The following DPP6 variants were observed in gnomAD, a reference collection of about 807,000 sequenced individuals.
DPP6 encodes the protein A-type potassium channel modulatory protein DPP6.
A neutral mutation model predicts 122.6 loss-of-function variants in DPP6; 69 were observed. The observed-to-expected ratio is 0.56, with a 90% CI of 0.46 to 0.69. The LOEUF (loss-of-function observed/expected upper bound fraction) is 0.69, where lower values mean the gene tolerates loss of function less well. Among genes scored for constraint, DPP6 ranks in the 30% least tolerant of loss-of-function variants. DPP6 has a pLI of 0.00. For missense variants in DPP6, 928 were observed against 1,116.9 expected (o/e 0.83, Z 2.41); for synonymous variants, 418 against 433.1 (o/e 0.97, Z 0.43).
chr7:154,445,657 G>A (rs578054295), intron 1 of DPP6, among the ~76,000 whole-genome samples: 1 of 152,192 alleles, frequency 6.6e-6, no homozygotes, highest in Non-Finnish European at 1.5e-5. Context: ...GAGGAGCTAT[G>A]GAAAAAAGAA....
intron 5 of DPP6, among the ~76,000 whole-genome samples, chr7:154,573,396 G>A (rs868522831): frequency 2.4e-4 from 37 of 152,254 alleles, no homozygotes; most frequent in African/African-American, 7.2e-4. Flanking sequence ...AGCAGGAGGC[G>A]AGTCTCACCT....
chr7:154,396,780 CTAA>C (rs1815125449), intron 1 of DPP6, among the ~76,000 whole-genome samples: 1 of 152,136 alleles, frequency 6.6e-6, no homozygotes, highest in Admixed American at 6.5e-5. Context: ...CTTGTTTCTA[CTAA>C]AAACACAAAA....
intron 3 of DPP6, among the ~76,000 whole-genome samples, chr7:154,499,590 C>G (rs762293619): frequency 2.0e-5 from 3 of 151,946 alleles, no homozygotes; most frequent in East Asian, 1.9e-4. Context: ...TTTAGGACAC[C>G]ACACCTTTTC....
chr7:154,714,803 T>C (rs1841388142), intron 7 of DPP6, among the ~76,000 whole-genome samples: 3 of 152,218 alleles, frequency 2.0e-5, no homozygotes, highest in Non-Finnish European at 4.4e-5. Context: ...AAAATGTTCA[T>C]TTTTAAAAAT....
chr7:154,677,878 A>G (rs1189848601), intron 7 of DPP6, among the ~76,000 whole-genome samples: 1 of 152,156 alleles, frequency 6.6e-6, no homozygotes, highest in African/African-American at 2.4e-5. Flanking sequence ...GGTCCTAGGT[A>G]AGAGGTGAAG....
At chr7:154,044,851 A>G (rs1413128300) in intron 1 of DPP6, among the ~76,000 whole-genome samples, 2 of 152,206 alleles carry the variant, frequency 1.3e-5, no homozygotes, top group Non-Finnish European at 2.9e-5. Flanking sequence ...AATGAGTCCA[A>G]ACTAGAGGCA....
At chr7:154,311,988 G>C (rs1229763481) in intron 1 of DPP6, among the ~76,000 whole-genome samples, 1 of 152,192 alleles carries the variant, frequency 6.6e-6, no homozygotes, top group East Asian at 1.9e-4. Context: ...ATTATTAATG[G>C]TGGAAATTTC....
At chr7:154,862,631 G>A (rs980053302) in intron 17 of DPP6, among the ~76,000 whole-genome samples, 5 of 152,166 alleles carry the variant, frequency 3.3e-5, no homozygotes, top group Non-Finnish European at 7.3e-5. Context: ...TCGGTGCCTC[G>A]AGGAGCACCT....
intron 1 of DPP6, among the ~76,000 whole-genome samples, chr7:154,238,057 A>C (rs1801333730): frequency 6.6e-6 from 1 of 152,200 alleles, no homozygotes; most frequent in Admixed American, 6.5e-5. Flanking sequence ...CCAGGAGGAC[A>C]TCGAAGATGT....
the DPP6 span, among the ~76,000 whole-genome samples, chr7:153,841,717 G>A: frequency 6.6e-6 from 1 of 152,172 alleles, no homozygotes; most frequent in Non-Finnish European, 1.5e-5. Context: ...AGTGTTCTAA[G>A]CATTTACCGT....
At chr7:154,744,940 C>T (rs574672153) in intron 8 of DPP6, among the ~76,000 whole-genome samples, 1 of 152,196 alleles carries the variant, frequency 6.6e-6, no homozygotes, top group Non-Finnish European at 1.5e-5. Flanking sequence ...ATCCGAAACG[C>T]GACCTTGCTG....
chr7:154,277,939 C>T (rs1238424283), intron 1 of DPP6, among the ~76,000 whole-genome samples: 4 of 152,172 alleles, frequency 2.6e-5, no homozygotes, highest in Non-Finnish European at 2.9e-5. Flanking sequence ...AGTTCTTCCA[C>T]ATATTCTGAG....
At chr7:154,440,364 C>A (rs1469488656) in intron 1 of DPP6, among the ~76,000 whole-genome samples, 1 of 152,068 alleles carries the variant, frequency 6.6e-6, no homozygotes, top group East Asian at 1.9e-4. Context: ...AAAAGCACCC[C>A]GGAAGTACTC....
At chr7:153,939,287 A>C (rs187519919) in intron 1 of DPP6, among the ~76,000 whole-genome samples, 1 of 152,230 alleles carries the variant, frequency 6.6e-6, no homozygotes, top group South Asian at 2.1e-4. Context: ...ATAAAGTACA[A>C]GCGTTAAGTC....
intron 8 of DPP6, among the ~76,000 whole-genome samples, chr7:154,766,247 GC>G (rs1795892892): frequency 1.3e-5 from 2 of 152,132 alleles, no homozygotes; most frequent in Non-Finnish European, 1.5e-5. Context: ...ACTACCCTCT[GC>G]CATCACACAC....
intron 1 of DPP6, among the ~76,000 whole-genome samples, chr7:154,211,914 C>T (rs189956463): frequency 3.9e-5 from 6 of 152,286 alleles, no homozygotes; most frequent in Admixed American, 2.0e-4. Context: ...TATGAATTGA[C>T]GTGGTGTTAC....
At chr7:154,083,795 C>T (rs1804205527) in intron 1 of DPP6, among the ~76,000 whole-genome samples, 1 of 151,384 alleles carries the variant, frequency 6.6e-6, no homozygotes, top group African/African-American at 2.4e-5. Flanking sequence ...GGACAGGCTC[C>T]AATCTCTTGG....
chr7:154,548,865 G>A (rs1238054666), intron 4 of DPP6, among the ~76,000 whole-genome samples: 2 of 152,214 alleles, frequency 1.3e-5, no homozygotes, highest in Non-Finnish European at 2.9e-5. Context: ...GGATTGCTGG[G>A]AACTCTAGAT....
intron 1 of DPP6, among the ~76,000 whole-genome samples, chr7:154,273,863 C>T (rs752276991): frequency 3.3e-5 from 5 of 152,304 alleles, no homozygotes; most frequent in South Asian, 2.1e-4. Context: ...CAATGCTAGG[C>T]GTCTCACTAT....
Sources: gnomAD v4.1 joint callset for allele counts (sites outside exome capture counted in the v4.1 genomes callset) on GRCh38, gnomAD v4.1.1 for gene constraint, MANE v1.5 for transcripts, NCBI Gene and HGNC (gene_info 2026-07-23, HGNC 2026-07-21) for gene names.